Variants in ZHX2 observed in about 807,000 individuals in gnomAD.
ZHX2 encodes zinc fingers and homeoboxes protein 2.
In ZHX2, 6 loss-of-function variants were observed where a neutral mutation model predicts 21.9. The observed-to-expected ratio is 0.27, with a 90% CI of 0.15 to 0.54. The LOEUF is 0.54. Among genes scored for constraint, ZHX2 ranks in the 20% least tolerant of loss-of-function variants. The probability of loss-of-function intolerance (pLI) is 0.95; values close to 1 mark genes in which losing one functional copy is unlikely to be tolerated. For synonymous variants in ZHX2, 434 were observed against 437.1 expected (o/e 0.99, Z 0.09); for missense variants, 908 against 1,090.7 (o/e 0.83, Z 2.36).
At chr8:122,897,712 G>A (rs1005942658) in intron 2 of ZHX2, among the ~76,000 whole-genome samples, 4 of 151,942 alleles carry the variant, frequency 2.6e-5, no homozygotes, top group African/African-American at 9.7e-5. Context: ...AAAAGAATGA[G>A]AGTTTCTATT....
At position 122,951,903 on chromosome 8, in the gene ZHX2, G is replaced by C; in HGVS notation, c.393G>C (p.Lys131Asn). 6.2e-7 allele frequency: 1 copy of C among 1,614,046 alleles called. No homozygotes were observed. The highest frequency in any genetic ancestry group is 8.5e-7 in the Non-Finnish European group (1 of 1,180,018). Reference protein sequence around the residue: ...KYDSLSDHNSKFHPGEANFKL... With the variant: ...KYDSLSDHNSNFHPGEANFKL... ...ACTCCCTATCCGACCACAACTCCAA[G>C]TTCCATCCCGGGGAGGCCAACTTCA... The change falls in exon 3 of 4, where the codon AAG becomes AAC. Residue 131 changes from lysine to asparagine, a missense_variant. By Grantham distance (94) the Lys-to-Asn change is moderately conservative. Around this residue, in one of 4 missense-constraint regions of ZHX2, gnomAD observed 220 missense variants for 251.4 expected, o/e 0.88. Transcript: ENST00000314393.
intron 1 of ZHX2, among the ~76,000 whole-genome samples, chr8:122,798,965 C>T (rs527415076): frequency 1.3e-5 from 2 of 152,282 alleles, no homozygotes; most frequent in South Asian, 2.1e-4. Context: ...CTAGTCCAAT[C>T]CCCTGGGGCT....
intron 2 of ZHX2, among the ~76,000 whole-genome samples, chr8:122,916,427 C>T (rs1820603596): frequency 6.6e-6 from 1 of 152,248 alleles, no homozygotes; most frequent in African/African-American, 2.4e-5. Context: ...TGATCATCCC[C>T]TTTGCTTTGT....
chr8:122,921,781 A>G lies in ZHX2; in HGVS notation c.-219-29511A>G, dbSNP rs531337038. On this transcript the variant is annotated intron_variant, in intron 2 of 3. Coordinates refer to ENST00000314393, the MANE Select transcript of ZHX2 (RefSeq NM_014943.5). ...TGCTTCACAATGTATACCTATATCA[A>G]AACAAGTTGTACACCTAAAATATAT... Among the ~76,000 whole-genome samples, 4 of 152,338 alleles carry G rather than the reference A, an allele frequency of 2.6e-5. No homozygotes were observed. In the South Asian group the frequency reaches 8.3e-4, roughly 32 times the overall value.
chr8:122,843,069 T>C (rs1407180351), intron 1 of ZHX2, among the ~76,000 whole-genome samples: 1 of 152,332 alleles, frequency 6.6e-6, no homozygotes. Context: ...AAGGAACCTT[T>C]ACTCGTGGGC....
intron 3 of ZHX2, among the ~76,000 whole-genome samples, chr8:122,961,513 G>T (rs1043458075): frequency 6.6e-6 from 1 of 152,188 alleles, no homozygotes; most frequent in Non-Finnish European, 1.5e-5. Flanking sequence ...CCAAGACTAG[G>T]TAATTTATAA....
chr8:122,880,341 T>C (rs927411939), intron 2 of ZHX2, among the ~76,000 whole-genome samples: 8 of 151,958 alleles, frequency 5.3e-5, no homozygotes, highest in African/African-American at 1.4e-4. Context: ...GGACCCACCA[T>C]GGTGGGGCTG....
At chr8:122,883,166 C>T (rs1819757269) in intron 2 of ZHX2, among the ~76,000 whole-genome samples, 1 of 152,206 alleles carries the variant, frequency 6.6e-6, no homozygotes, top group Non-Finnish European at 1.5e-5. Context: ...TGCCGTGCAG[C>T]AACCATGCAG....
At chr8:122,930,628 C>A (rs1018900978) in intron 2 of ZHX2, among the ~76,000 whole-genome samples, 3 of 151,278 alleles carry the variant, frequency 2.0e-5, no homozygotes, top group Non-Finnish European at 2.9e-5. Flanking sequence ...CCAGCCACCA[C>A]GCCTGGCTAA....
At chr8:122,942,566 G>A (rs541916747) in intron 2 of ZHX2, among the ~76,000 whole-genome samples, 5 of 152,152 alleles carry the variant, frequency 3.3e-5, no homozygotes, top group East Asian at 1.9e-4. Context: ...CTGGGATCCC[G>A]GCTCTGCAGC....
chr8:122,834,948 G>T (rs1818462362), intron 1 of ZHX2, among the ~76,000 whole-genome samples: 1 of 152,230 alleles, frequency 6.6e-6, no homozygotes, highest in African/African-American at 2.4e-5. Context: ...TGGGGGTCCT[G>T]GTTGGGGACT....
At chr8:122,865,739 TATTA>T (rs1304014923) in intron 2 of ZHX2, among the ~76,000 whole-genome samples, 1 of 152,220 alleles carries the variant, frequency 6.6e-6, no homozygotes, top group Non-Finnish European at 1.5e-5. Context: ...GCTCAATAAA[TATTA>T]ATCCTTATTC....
intron 2 of ZHX2, among the ~76,000 whole-genome samples, chr8:122,948,292 C>G (rs1813027027): frequency 1.3e-5 from 2 of 152,180 alleles, no homozygotes; most frequent in African/African-American, 4.8e-5. Context: ...CCTTCCCTTC[C>G]CTTTCCTTCC....
chr8:122,783,342 C>A (rs2130504989), intron 1 of ZHX2, among the ~76,000 whole-genome samples: 1 of 152,240 alleles, frequency 6.6e-6, no homozygotes, highest in East Asian at 1.9e-4. Context: ...CTTCCCCAAC[C>A]TGCTCTCTGA....
intron 2 of ZHX2, among the ~76,000 whole-genome samples, chr8:122,932,297 G>A (rs1287866373): frequency 8.5e-6 from 1 of 117,422 alleles, no homozygotes; most frequent in African/African-American, 2.7e-5. Context: ...GTGGCCTAAA[G>A]CACCACAAGT....
At chr8:122,894,163 G>T (rs1245044568) in intron 2 of ZHX2, among the ~76,000 whole-genome samples, 1 of 152,228 alleles carries the variant, frequency 6.6e-6, no homozygotes, top group Non-Finnish European at 1.5e-5. Context: ...CTGGGGGCAG[G>T]GGATGCCAGG....
chr8:122,948,210 T>G (rs1813026032), intron 2 of ZHX2, among the ~76,000 whole-genome samples: 1 of 152,168 alleles, frequency 6.6e-6, no homozygotes, highest in African/African-American at 2.4e-5. Flanking sequence ...CGCTTTGGCC[T>G]TTATGCCCTC....
intron 1 of ZHX2, among the ~76,000 whole-genome samples, chr8:122,829,517 A>G (rs1431045756): frequency 6.6e-6 from 1 of 152,232 alleles, no homozygotes; most frequent in African/African-American, 2.4e-5. Context: ...CATACAAATC[A>G]GGGAGAAAAT....
intron 1 of ZHX2, among the ~76,000 whole-genome samples, chr8:122,805,498 G>T (rs1038210429): frequency 1.1e-4 from 16 of 152,326 alleles, no homozygotes; most frequent in Admixed American, 8.5e-4. Flanking sequence ...AGAACAGGGG[G>T]ACATGGGCCA....
Sources: gnomAD v4.1 joint callset for allele counts (sites outside exome capture counted in the v4.1 genomes callset) on GRCh38, gnomAD v4.1.1 for gene constraint, gnomAD v4.1.1 regional missense constraint, MANE v1.5 for transcripts, NCBI Gene and HGNC (gene_info 2026-07-23, HGNC 2026-07-21) for gene names.